Variants in UBE2G1 observed in about 807,000 individuals in gnomAD.
UBE2G1 encodes ubiquitin conjugating enzyme E2 G1, also known as ubiquitin-conjugating enzyme E2 G1.
In UBE2G1, 5 loss-of-function variants were observed where a neutral mutation model predicts 22.7. That is an observed-to-expected ratio of 0.22 (90% CI 0.12 to 0.46). The LOEUF (loss-of-function observed/expected upper bound fraction) is 0.46. Ranked by LOEUF, UBE2G1 falls within the 20% of genes least tolerant of loss-of-function variation. UBE2G1 has a pLI of 0.99. For missense variants in UBE2G1, 88 were observed against 203.9 expected (o/e 0.43, Z 3.46); for synonymous variants, 74 against 67.5 (o/e 1.10, Z -0.47).
At chr17:4,332,920 T>C (rs1171314198) in intron 1 of UBE2G1, among the ~76,000 whole-genome samples, 1 of 152,208 alleles carries the variant, frequency 6.6e-6, no homozygotes, top group East Asian at 1.9e-4. Context: ...CACAGCACTC[T>C]ACACTTTCTA....
chr17:4,289,702 A>G (rs1969011024), intron 3 of UBE2G1, among the ~76,000 whole-genome samples: 1 of 152,220 alleles, frequency 6.6e-6, no homozygotes, highest in Admixed American at 6.5e-5. Context: ...ACATGTCTTA[A>G]GTATAATATA....
chr17:4,302,429 T>C (rs1305505273), intron 2 of UBE2G1: 4 of 506,204 alleles, frequency 7.9e-6, no homozygotes, highest in South Asian at 4.4e-5. Context: ...TGGCCAACAG[T>C]GGCATCTGTA....
At position 4,269,542 on chromosome 17, in the gene UBE2G1, CAAAT is replaced by C. The variant is rs1433745477; in HGVS notation, c.*3008_*3011del. The stretch of plus-strand genomic sequence containing the variant: ...ATTCGTCGAGGGTGAGTGGGCATAT[CAAAT>C]AAAATCTCACAACCAAGAATGAAGG... On this transcript the variant is annotated 3_prime_UTR_variant, in exon 6 of 6. Transcript: ENST00000396981. The C allele has an allele frequency of 1.1e-5, 2 of 186,144 alleles. No homozygotes were observed. Among genetic ancestry groups the C allele is most frequent in the East Asian group, 1.9e-4 (1 of 5,198 alleles). 11.5% of individuals were successfully genotyped at this position (186,144 alleles called of 1,614,324 possible).
Position 4,282,895 on chromosome 17 carries a change from T to G in UBE2G1, c.453A>C (p.Gly151=), listed in dbSNP as rs1324958071. ...AGCGGGCAACTTTTCTTTTAAATTC[T>G]CCATTTCTATCTTCCCTCCATTCTT... ...AAKEWREDRN[G]EFKRKVARCV... The change falls in exon 5 of 6, where the codon GGA becomes GGC. Residue 151 remains glycine, a synonymous_variant. Transcript: ENST00000396981. 16 of 1,613,326 alleles carry G rather than the reference T, an allele frequency of 9.9e-6. No individual in the cohort carries two copies. The highest frequency in any genetic ancestry group is 1.4e-5 in the Non-Finnish European group (16 of 1,179,744).
At chr17:4,349,968 GGAGA>G (rs1969825788) in intron 1 of UBE2G1, among the ~76,000 whole-genome samples, 1 of 152,058 alleles carries the variant, frequency 6.6e-6, no homozygotes, top group African/African-American at 2.4e-5. Flanking sequence ...ATTCAAAGTG[GGAGA>G]GAGGGGACCT....
intron 1 of UBE2G1, among the ~76,000 whole-genome samples, chr17:4,338,988 G>A (rs184139006): frequency 7.9e-5 from 12 of 152,274 alleles, no homozygotes; most frequent in African/African-American, 2.9e-4. Flanking sequence ...CTCGGGAGTA[G>A]TTCTCAGTCA....
chr17:4,353,054 TAA>T (rs1176491035), intron 1 of UBE2G1, among the ~76,000 whole-genome samples: 1 of 152,024 alleles, frequency 6.6e-6, no homozygotes, highest in Non-Finnish European at 1.5e-5. Context: ...CCGTCTCTAC[TAA>T]AAATACAAAA....
At chr17:4,282,229 C>T (rs1968902149) in intron 5 of UBE2G1, among the ~76,000 whole-genome samples, 2 of 152,120 alleles carry the variant, frequency 1.3e-5, no homozygotes, top group Non-Finnish European at 2.9e-5. Flanking sequence ...ATTACAGGCA[C>T]ACGCCACCAG....
At chr17:4,315,331 T>C (rs750392736) in intron 1 of UBE2G1, among the ~76,000 whole-genome samples, 16 of 152,178 alleles carry the variant, frequency 1.1e-4, no homozygotes, top group Non-Finnish European at 1.9e-4. Flanking sequence ...ATGTTTTCAG[T>C]ATTGTCGATC....
rs371669487 is a variant in UBE2G1 at position 4,357,480 on chromosome 17, T to A, written c.46+8791A>T. Among the ~76,000 whole-genome samples the A allele has an allele frequency of 5.0e-3, 574 of 114,434 alleles. 3 individuals are homozygous for A. Among genetic ancestry groups the A allele is most frequent in the African/African-American group, 0.019 (543 of 28,956 alleles). 75.1% of individuals were successfully genotyped at this position (114,434 alleles called of 152,430 possible). On this transcript the variant is annotated intron_variant, in intron 1 of 5. Transcript: ENST00000396981. ...AAGGGAGGACTACTGTATTCAGATG[T>A]CATCACTCGGTTGTGTGTGTGTGTG... is the stretch of plus-strand genomic sequence containing the variant.
intron 1 of UBE2G1, 26 bp from the exon 2 acceptor site, chr17:4,307,149 A>G: frequency 6.3e-7 from 1 of 1,584,720 alleles, no homozygotes; most frequent in South Asian, 1.1e-5. Flanking sequence ...AGTTTAATCA[A>G]TACATTTAAG....
chr17:4,320,157 T>C (rs1969421653), intron 1 of UBE2G1, among the ~76,000 whole-genome samples: 1 of 152,030 alleles, frequency 6.6e-6, no homozygotes, highest in Non-Finnish European at 1.5e-5. Flanking sequence ...ATTTCTATGT[T>C]AAAAAAGAAT....
At chr17:4,325,171 C>A (rs1465740252) in intron 1 of UBE2G1, among the ~76,000 whole-genome samples, 1 of 151,932 alleles carries the variant, frequency 6.6e-6, no homozygotes. Flanking sequence ...ATTCTTAGGG[C>A]CATCAAAGTA....
chr17:4,301,451 C>T, intron 2 of UBE2G1: 1 of 723,926 alleles, frequency 1.4e-6, no homozygotes, highest in Non-Finnish European at 2.6e-6. Context: ...TCCTTGGCTT[C>T]AGCAGCTATT....
intron 4 of UBE2G1, among the ~76,000 whole-genome samples, chr17:4,286,604 ACTTAGGAAAATGT>A (rs1968966651): frequency 6.6e-6 from 1 of 152,190 alleles, no homozygotes; most frequent in Admixed American, 6.5e-5. Flanking sequence ...CTATTTCAAC[ACTTAGGAAAATGT>A]TTAGCATCAA....
chr17:4,361,666 T>C (rs924066035), intron 1 of UBE2G1, among the ~76,000 whole-genome samples: 4 of 152,164 alleles, frequency 2.6e-5, no homozygotes, highest in East Asian at 1.9e-4. Flanking sequence ...CAGCCAGGCA[T>C]GATGGCTCAT....
intron 1 of UBE2G1, among the ~76,000 whole-genome samples, chr17:4,354,088 A>T (rs1969877312): frequency 6.6e-6 from 1 of 151,964 alleles, no homozygotes. Context: ...TTTCAGCATA[A>T]ACTTTGTCTT....
At chr17:4,324,105 G>C (rs772344341) in intron 1 of UBE2G1, among the ~76,000 whole-genome samples, 101 of 152,174 alleles carry the variant, frequency 6.6e-4, no homozygotes, top group Non-Finnish European at 1.2e-3. Context: ...ATAATTGTTC[G>C]AATTTAGAAC....
chr17:4,312,626 G>GGA (rs748318079), intron 1 of UBE2G1, among the ~76,000 whole-genome samples: 5 of 150,286 alleles, frequency 3.3e-5, no homozygotes, highest in Non-Finnish European at 7.4e-5. Context: ...AACCTGGGAG[G>GGA]CGGAGCTTGC....
Sources: allele counts gnomAD v4.1 joint callset (sites outside exome capture counted in the v4.1 genomes callset), GRCh38; gene constraint gnomAD v4.1.1; transcripts MANE v1.5; gene names NCBI Gene and HGNC (gene_info 2026-07-23, HGNC 2026-07-21).